The following ARHGEF3 variants were observed in gnomAD, a reference collection of about 807,000 sequenced individuals.
The protein encoded by ARHGEF3 is 59.8 kDA protein.
ARHGEF3 carries 28 observed loss-of-function variants against 63.2 expected under a neutral mutation model. That is an observed-to-expected ratio of 0.44 (90% confidence interval 0.33 to 0.61). ARHGEF3 has a LOEUF of 0.61. Among genes scored for constraint, ARHGEF3 ranks in the 20% least tolerant of loss-of-function variants. The pLI is 0.03. For synonymous variants in ARHGEF3, 266 were observed against 254.2 expected (o/e 1.05, Z -0.44); for missense variants, 533 against 659.3 (o/e 0.81, Z 2.10).
chr3:56,736,782 G>A (rs910646621), intron 8 of ARHGEF3, among the ~76,000 whole-genome samples: 16 of 152,136 alleles, frequency 1.1e-4, no homozygotes, highest in African/African-American at 3.6e-4. Flanking sequence ...AATGACACTG[G>A]AAAAGCAATT....
At chr3:56,839,833 CT>C in intron 4 of ARHGEF3, among the ~76,000 whole-genome samples, 1 of 152,192 alleles carries the variant, frequency 6.6e-6, no homozygotes, top group South Asian at 2.1e-4. Flanking sequence ...ACATTACCAC[CT>C]TTTACCCACC....
At chr3:56,955,284 C>T (rs1245139947) in intron 3 of ARHGEF3, among the ~76,000 whole-genome samples, 2 of 151,408 alleles carry the variant, frequency 1.3e-5, no homozygotes, top group East Asian at 1.9e-4. Flanking sequence ...CAGGCTTAAA[C>T]TCCTGGGCTC....
At chr3:56,897,952 C>T (rs7625394) in intron 3 of ARHGEF3, among the ~76,000 whole-genome samples, 7,368 of 152,130 alleles carry the variant, frequency 0.048, 602 homozygotes, top group African/African-American at 0.17. Context: ...GGCATCATAG[C>T]TCACTGAAGC....
chr3:57,026,766 G>A (rs945846250), intron 2 of ARHGEF3, among the ~76,000 whole-genome samples: 12 of 152,180 alleles, frequency 7.9e-5, no homozygotes, highest in Non-Finnish European at 1.6e-4. Context: ...GCCCATCAGA[G>A]GCCACCTGGT....
chr3:56,986,196 A>T (rs556415528), intron 2 of ARHGEF3, among the ~76,000 whole-genome samples: 1 of 152,344 alleles, frequency 6.6e-6, no homozygotes. Flanking sequence ...CCAACAAAAA[A>T]TCAGGAAGTG....
At chr3:57,037,901 C>A (rs7644944) in intron 1 of ARHGEF3, among the ~76,000 whole-genome samples, 17 of 151,956 alleles carry the variant, frequency 1.1e-4, no homozygotes, top group African/African-American at 2.2e-4. Flanking sequence ...CAAAACAAAA[C>A]AAAACCCATC....
At chr3:56,944,042 G>T (rs1419535887) in intron 3 of ARHGEF3, among the ~76,000 whole-genome samples, 1 of 152,056 alleles carries the variant, frequency 6.6e-6, no homozygotes, top group Non-Finnish European at 1.5e-5. Flanking sequence ...CAGGCATGAT[G>T]GCGGGCGCCT....
At chr3:56,775,250 T>C in intron 1 of ARHGEF3, 2 of 1,294,464 alleles carry the variant, frequency 1.5e-6, no homozygotes, top group Non-Finnish European at 2.0e-6. Flanking sequence ...CCTGGAAAAA[T>C]CTTTCGTGAA....
At chr3:57,015,930 TTGGATCTCCAATCCCCAGA>T (rs1398386417) in intron 2 of ARHGEF3, among the ~76,000 whole-genome samples, 1 of 152,116 alleles carries the variant, frequency 6.6e-6, no homozygotes, top group African/African-American at 2.4e-5. Flanking sequence ...TGATGAACTC[TTGGATCTCCAATCCCCAGA>T]TGGCCGAATC....
At chr3:57,048,613 C>A (rs1704556823) in intron 1 of ARHGEF3, among the ~76,000 whole-genome samples, 2 of 152,112 alleles carry the variant, frequency 1.3e-5, no homozygotes. Flanking sequence ...GGGGTAGGAG[C>A]AGCTGTGCCC....
At chr3:56,777,131 T>C (rs1398781185) in intron 1 of ARHGEF3, among the ~76,000 whole-genome samples, 1 of 152,226 alleles carries the variant, frequency 6.6e-6, no homozygotes, top group East Asian at 1.9e-4. Context: ...ATTAATAAGA[T>C]TTCATCATTA....
At chr3:56,812,143 C>T (rs2173794) in intron 4 of ARHGEF3, among the ~76,000 whole-genome samples, 3,286 of 152,174 alleles carry the variant, frequency 0.022, 100 homozygotes, top group East Asian at 0.12. Flanking sequence ...GAACACGTCA[C>T]GGAGGAAGCA....
chr3:56,734,572 T>G (rs2033469124), intron 8 of ARHGEF3, among the ~76,000 whole-genome samples: 1 of 152,226 alleles, frequency 6.6e-6, no homozygotes, highest in Admixed American at 6.5e-5. Context: ...ATATACCCCC[T>G]GCATCTAAAA....
chr3:56,875,130 T>C (rs953149576), intron 4 of ARHGEF3, among the ~76,000 whole-genome samples: 1 of 152,154 alleles, frequency 6.6e-6, no homozygotes, highest in African/African-American at 2.4e-5. Flanking sequence ...TCCACTCCGT[T>C]TGCCTCATCT....
intron 4 of ARHGEF3, among the ~76,000 whole-genome samples, chr3:56,860,862 G>A (rs2040050001): frequency 6.6e-6 from 1 of 152,170 alleles, no homozygotes; most frequent in Non-Finnish European, 1.5e-5. Flanking sequence ...TTCGTGCTCA[G>A]AAGCTGGCAA....
At chr3:57,020,299 C>A (rs1390697898) in intron 2 of ARHGEF3, among the ~76,000 whole-genome samples, 1 of 152,220 alleles carries the variant, frequency 6.6e-6, no homozygotes, top group East Asian at 1.9e-4. Flanking sequence ...CTCCCTGCCA[C>A]CTCCCCTCTC....
rs371116739 is a variant in ARHGEF3 at position 57,054,449 on chromosome 3, G to A, written c.-27-19273C>T. 1.1e-3 allele frequency among the ~76,000 whole-genome samples: 162 copies of A among 149,992 alleles called. 1 individual carries two copies. Among genetic ancestry groups the A allele is most frequent in the African/African-American group, 3.7e-3 (153 of 40,892 alleles). On this transcript the variant is annotated intron_variant, in intron 1 of 12. Transcript: ENST00000338458. Reference sequence around the variant, plus strand: ...GTTCAAGACCAGCCTGGGCAGCATGGTGAAACCCTATCTCTACAAAAAATA... The same window carrying A: ...GTTCAAGACCAGCCTGGGCAGCATGATGAAACCCTATCTCTACAAAAAATA...
chr3:56,976,484 T>C (rs1023101584), intron 2 of ARHGEF3, among the ~76,000 whole-genome samples: 12 of 152,232 alleles, frequency 7.9e-5, no homozygotes, highest in Admixed American at 3.3e-4. Flanking sequence ...TTATATTTTA[T>C]TCAATACTAT....
At chr3:56,898,368 C>T (rs7611584) in intron 3 of ARHGEF3, among the ~76,000 whole-genome samples, 7,822 of 152,106 alleles carry the variant, frequency 0.051, 681 homozygotes, top group African/African-American at 0.18. Context: ...TGCCACCACA[C>T]TGGCTGATTT....
Sources: allele counts gnomAD v4.1 joint callset (sites outside exome capture counted in the v4.1 genomes callset), GRCh38; gene constraint gnomAD v4.1.1; transcripts MANE v1.5; gene names NCBI Gene and HGNC (gene_info 2026-07-23, HGNC 2026-07-21).